The following KYNU variants were observed in gnomAD, a reference collection of about 807,000 sequenced individuals.
The protein encoded by KYNU is L-kynurenine hydrolase.
Under a neutral mutation model 59.2 loss-of-function variants are expected in KYNU, and 54 were observed. The observed-to-expected ratio is 0.91, with a 90% confidence interval of 0.73 to 1.14. The LOEUF (loss-of-function observed/expected upper bound fraction) is 1.14, where lower values mean the gene tolerates loss of function less well. KYNU is among the 50% of genes most tolerant of loss of function. The pLI, the probability that KYNU is intolerant of heterozygous loss-of-function variation, is 0.00. For missense variants in KYNU, 567 were observed against 554.4 expected, an observed-to-expected ratio of 1.02 and a Z score of -0.23; for synonymous variants, 177 against 192.0, an observed-to-expected ratio of 0.92 and a Z score of 0.65.
chr2:142,957,270 A>C (rs1438579501), intron 6 of KYNU, among the ~76,000 whole-genome samples: 1 of 151,836 alleles, frequency 6.6e-6, no homozygotes, highest in Non-Finnish European at 1.5e-5. Context: ...TAGCTAACTT[A>C]CTCTTCCTAG....
chr2:142,953,220 C>T (rs1262033224), intron 4 of KYNU, among the ~76,000 whole-genome samples: 2 of 152,110 alleles, frequency 1.3e-5, no homozygotes. Context: ...TAGTGAATCC[C>T]CCCGTACCAT....
chr2:142,964,435 C>A (rs351683), intron 8 of KYNU, among the ~76,000 whole-genome samples: 4,108 of 152,246 alleles, frequency 0.027, 177 homozygotes, highest in Admixed American at 0.11. Flanking sequence ...TACAGCTTCA[C>A]CAATAGTTAC....
At chr2:142,953,380 G>T (rs351677) in intron 4 of KYNU, among the ~76,000 whole-genome samples, 2 of 152,114 alleles carry the variant, frequency 1.3e-5, no homozygotes, top group Non-Finnish European at 2.9e-5. Flanking sequence ...AATCTTAAAG[G>T]CATTCCCAGA....
chr2:142,930,717 T>C (rs1683180541), intron 4 of KYNU, among the ~76,000 whole-genome samples: 1 of 152,210 alleles, frequency 6.6e-6, no homozygotes, highest in South Asian at 2.1e-4. Context: ...CCCTTATGAC[T>C]GCACTTAACC....
At chr2:143,038,227 A>C (rs568494054) in intron 12 of KYNU, among the ~76,000 whole-genome samples, 1 of 152,144 alleles carries the variant, frequency 6.6e-6, no homozygotes, top group East Asian at 1.9e-4. Flanking sequence ...AATTTCCTAG[A>C]ATTATTTATT....
rs556769518 is a variant in KYNU at position 142,903,091 on chromosome 2, T to C, written c.170-15518T>C. 3.3e-5 allele frequency among the ~76,000 whole-genome samples: 5 copies of C among 152,206 alleles called. No homozygotes were observed. In the South Asian group the frequency reaches 1.0e-3, roughly 32 times the overall value. ...TGACATCTTGTACTAACCTCCACTGTCTATTGGGCTTCTTTACTCCTAAAA... is the reference window on the plus strand; with the variant it reads ...TGACATCTTGTACTAACCTCCACTGCCTATTGGGCTTCTTTACTCCTAAAA... On this transcript the variant is annotated intron_variant, in intron 2 of 13. Coordinates refer to ENST00000264170, the MANE Select transcript of KYNU (RefSeq NM_003937.3).
At chr2:142,992,931 A>G (rs532181805) in intron 10 of KYNU, among the ~76,000 whole-genome samples, 6 of 152,190 alleles carry the variant, frequency 3.9e-5, no homozygotes, top group African/African-American at 1.4e-4. Context: ...CAAGCTTAGA[A>G]TATGTGCCAT....
At chr2:142,960,260 G>A (rs767413695) in intron 7 of KYNU, among the ~76,000 whole-genome samples, 8 of 152,088 alleles carry the variant, frequency 5.3e-5, no homozygotes, top group Admixed American at 2.6e-4. Context: ...AATTTATCTT[G>A]CTATATAATA....
chr2:142,924,909 A>G (rs531883573), intron 3 of KYNU, among the ~76,000 whole-genome samples: 1 of 152,186 alleles, frequency 6.6e-6, no homozygotes, highest in Admixed American at 6.5e-5. Context: ...TTCTAAATAC[A>G]TTTCACTACC....
chr2:142,971,935 C>T (rs948258782), intron 8 of KYNU, among the ~76,000 whole-genome samples: 8 of 152,178 alleles, frequency 5.3e-5, no homozygotes, highest in Admixed American at 6.5e-5. Flanking sequence ...GACGTGCAGA[C>T]TGCTCCGTTA....
At chr2:143,026,922 G>T (rs617158) in intron 10 of KYNU, among the ~76,000 whole-genome samples, 54,023 of 152,046 alleles carry the variant, frequency 0.36, 10,575 homozygotes, top group East Asian at 0.52. Context: ...ACTTCTCTCC[G>T]ATGCCCAGCT....
At chr2:142,950,059 A>G (rs887292801) in intron 4 of KYNU, among the ~76,000 whole-genome samples, 9 of 152,300 alleles carry the variant, frequency 5.9e-5, no homozygotes, top group South Asian at 2.1e-4. Context: ...CTAAAACATA[A>G]CAAGAGTCAC....
Position 143,042,220 on chromosome 2 carries a change from G to T in KYNU, c.*48G>T. On this transcript the variant is annotated 3_prime_UTR_variant, in exon 14 of 14. Transcript: ENST00000264170. The stretch of plus-strand genomic sequence containing the variant: ...AGCAAATTATACTGAAAGCTGCTGT[G>T]GTTATTTCAGTATTATTCGATTTTT... 6.4e-7 allele frequency: 1 copy of T among 1,568,738 alleles called. No homozygotes were observed.
At position 143,006,146 on chromosome 2, in the gene KYNU, G is replaced by A. The variant is rs564841856; in HGVS notation, c.902+20125G>A. On this transcript the variant is annotated intron_variant, in intron 10 of 13. Transcript: ENST00000264170. ...TTTCTGCATTTCCATCTGAGGTACCGGGTTCATCTCACTAGGGAGTGCCAG... is the reference window on the plus strand; with the variant it reads ...TTTCTGCATTTCCATCTGAGGTACCAGGTTCATCTCACTAGGGAGTGCCAG... Among the ~76,000 whole-genome samples the A allele has an allele frequency of 2.8e-4, 42 of 152,164 alleles. 1 individual carries two copies. In the South Asian group the frequency reaches 3.7e-3, roughly 14 times the overall value.
Position 143,010,724 on chromosome 2 carries a change from A to G in KYNU, c.903-18903A>G, listed in dbSNP as rs887563240. Among the ~76,000 whole-genome samples the G allele has an allele frequency of 6.1e-5, 9 of 148,408 alleles. No homozygotes were observed. The East Asian group carries it at 8.4e-4, about 14-fold the overall frequency. On this transcript the variant is annotated intron_variant, in intron 10 of 13. Coordinates refer to ENST00000264170, the MANE Select transcript of KYNU (RefSeq NM_003937.3). Reference sequence around the variant, plus strand: ...GGTACCAAAACAGAGATATAGATCAATGGAACAGAACAGAGCCCTCATAAA... The same window carrying G: ...GGTACCAAAACAGAGATATAGATCAGTGGAACAGAACAGAGCCCTCATAAA...
At chr2:142,971,306 T>TTG (rs1211936646) in intron 8 of KYNU, 1 of 125,104 alleles carries the variant, frequency 8.0e-6, no homozygotes, top group African/African-American at 3.1e-5. Flanking sequence ...TACCACAACA[T>TTG]TATGTGTGTG....
At chr2:142,941,400 A>T (rs557580931) in intron 4 of KYNU, among the ~76,000 whole-genome samples, 1 of 152,354 alleles carries the variant, frequency 6.6e-6, no homozygotes, top group East Asian at 1.9e-4. Flanking sequence ...TTGTCTTTGA[A>T]TGCTGCATTA....
chr2:143,028,243 CT>C (rs754504556), intron 10 of KYNU, among the ~76,000 whole-genome samples: 125 of 90,434 alleles, frequency 1.4e-3, no homozygotes, highest in East Asian at 4.5e-3. Context: ...ATTTTACATT[CT>C]TTTTTTTTTT....
Position 142,923,308 on chromosome 2 carries a change from T to G in KYNU, c.291-4351T>G, listed in dbSNP as rs142614518. On this transcript the variant is annotated intron_variant, in intron 3 of 13. Transcript: ENST00000264170. ...TAATTTGCATTTTCATTTTCAACTC[T>G]ATGGGATTTCTAAAGTAGATTAATA... is the stretch of plus-strand genomic sequence containing the variant. 8.7e-4 allele frequency among the ~76,000 whole-genome samples: 133 copies of G among 152,356 alleles called. 1 individual carries two copies. In the East Asian group the frequency reaches 0.023, roughly 26 times the overall value.
Sources: gnomAD v4.1 joint callset for allele counts (sites outside exome capture counted in the v4.1 genomes callset) on GRCh38, gnomAD v4.1.1 for gene constraint, MANE v1.5 for transcripts, NCBI Gene and HGNC (gene_info 2026-07-23, HGNC 2026-07-21) for gene names.